Variants in MED26 observed in about 807,000 individuals in gnomAD.
MED26 encodes the protein mediator complex subunit 26, also known as mediator of RNA polymerase II transcription subunit 26.
Under a neutral mutation model 43.7 loss-of-function variants are expected in MED26, and 7 were observed. The ratio of observed to expected loss-of-function variants is 0.16; its 90% CI spans 0.09 to 0.30. The LOEUF (loss-of-function observed/expected upper bound fraction) is 0.30, where lower values mean the gene tolerates loss of function less well. MED26 is among the 10% of genes least tolerant of loss of function. The pLI is 1.00. For missense variants in MED26, 784 were observed against 840.6 expected, an observed-to-expected ratio of 0.93 and a Z score of 0.83; for synonymous variants, 375 against 371.1, an observed-to-expected ratio of 1.01 and a Z score of -0.12.
At chr19:16,605,789 G>A (rs2086169942) in intron 1 of MED26, among the ~76,000 whole-genome samples, 1 of 152,240 alleles carries the variant, frequency 6.6e-6, no homozygotes, top group Non-Finnish European at 1.5e-5. Context: ...ATGGCACCGG[G>A]AGGAAGAGGC....
chr19:16,608,997 G>C (rs1322573975), intron 1 of MED26, among the ~76,000 whole-genome samples: 2 of 152,144 alleles, frequency 1.3e-5, no homozygotes, highest in African/African-American at 4.8e-5. Flanking sequence ...ATTCAGCAAA[G>C]ACATCACTTG....
intron 1 of MED26, among the ~76,000 whole-genome samples, chr19:16,581,900 G>A (rs539726904): frequency 2.0e-5 from 3 of 152,366 alleles, no homozygotes; most frequent in South Asian, 4.1e-4. Context: ...CCCACCGTGT[G>A]AGCTGCTCAC....
At chr19:16,610,118 G>A (rs2086193058) in intron 1 of MED26, among the ~76,000 whole-genome samples, 1 of 151,940 alleles carries the variant, frequency 6.6e-6, no homozygotes, top group African/African-American at 2.4e-5. Flanking sequence ...AAATTAGTGA[G>A]GTGTGGTGGC....
intron 1 of MED26, among the ~76,000 whole-genome samples, chr19:16,581,639 C>T (rs748006121): frequency 6.6e-5 from 10 of 152,250 alleles, no homozygotes; most frequent in Admixed American, 1.3e-4. Context: ...AACACCTGGG[C>T]AACCCCAGGG....
At position 16,627,914 on chromosome 19, in the gene MED26, C is replaced by T; in HGVS notation, c.30G>A (p.Gln10=). 6.7e-7 allele frequency: 1 copy of T among 1,499,310 alleles called. No individual in the cohort carries two copies. 92.9% of individuals were successfully genotyped at this position (1,499,310 alleles called of 1,614,324 possible). A position where few individuals can be genotyped will look rare whatever the true frequency, so the allele number is the denominator to read the frequency against. ...TGGCCTGCAGCAGCCGGTCCCTGATCTGCTGCGGAGACGCCGGAGCCGCTG... is the reference window on the plus strand; with the variant it reads ...TGGCCTGCAGCAGCCGGTCCCTGATTTGCTGCGGAGACGCCGGAGCCGCTG... MTAAPASPQ[Q]IRDRLLQAID... Residue 10 remains glutamine, a synonymous_variant, in exon 1 of 3, where the codon CAG becomes CAA. Coordinates refer to ENST00000263390, the MANE Select transcript of MED26 (RefSeq NM_004831.5).
intron 1 of MED26, among the ~76,000 whole-genome samples, chr19:16,602,910 A>G (rs2086156341): frequency 6.6e-6 from 1 of 152,280 alleles, no homozygotes; most frequent in South Asian, 2.1e-4. Flanking sequence ...GATGGTGATC[A>G]TGACCACACA....
At chr19:16,584,477 G>C (rs998541209) in intron 1 of MED26, among the ~76,000 whole-genome samples, 3 of 152,176 alleles carry the variant, frequency 2.0e-5, no homozygotes, top group Admixed American at 6.5e-5. Flanking sequence ...GGCGGGGCTG[G>C]ACACGCACAG....
chr19:16,583,913 G>C (rs1485675967), intron 1 of MED26, among the ~76,000 whole-genome samples: 2 of 152,198 alleles, frequency 1.3e-5, no homozygotes, highest in Non-Finnish European at 2.9e-5. Flanking sequence ...AGAACAGTTT[G>C]CATCCAGGCA....
intron 1 of MED26, among the ~76,000 whole-genome samples, chr19:16,605,555 AC>A (rs2122429171): frequency 6.6e-6 from 1 of 152,296 alleles, no homozygotes; most frequent in African/African-American, 2.4e-5. Flanking sequence ...AGGCTGCCCC[AC>A]TCACTGCACA....
At chr19:16,584,392 C>T (rs1011084726) in intron 1 of MED26, among the ~76,000 whole-genome samples, 1 of 152,172 alleles carries the variant, frequency 6.6e-6, no homozygotes, top group African/African-American at 2.4e-5. Context: ...GCCCCATAGC[C>T]TGTGCTAAGC....
At position 16,577,021 on chromosome 19, in the gene MED26, C is replaced by T. The variant is rs137909361; in HGVS notation, c.809G>A (p.Arg270His). 4.0e-4 allele frequency: 650 copies of T among 1,608,452 alleles called. 17 individuals carry two copies. In the Admixed American group the frequency reaches 9.6e-3, roughly 24 times the overall value. The change falls in exon 3 of 3, where the codon CGC becomes CAC. Residue 270 changes from arginine to histidine, a missense_variant. Physicochemically the swap from Arg to His is conservative, Grantham distance 29 (BLOSUM62 0). Around this residue, in one of 3 missense-constraint regions of MED26, gnomAD observed 719 missense variants for 730.9 expected, o/e 0.98. Transcript: ENST00000263390. The surrounding 1 kb of genome is among the most constrained non-coding windows in gnomAD (Gnocchi z 8.1). ...PGPPHPKGPPRCSFSPRNSRH... is the reference protein window; with the variant it reads ...PGPPHPKGPPHCSFSPRNSRH... Reference sequence around the variant, plus strand: ...TGAGTTCCGAGGACTGAAAGAGCAGCGAGGGGGTCCCTTGGGATGGGGAGG... The same window carrying T: ...TGAGTTCCGAGGACTGAAAGAGCAGTGAGGGGGTCCCTTGGGATGGGGAGG...
chr19:16,590,905 T>C (rs1303632678), intron 1 of MED26, among the ~76,000 whole-genome samples: 1 of 151,556 alleles, frequency 6.6e-6, no homozygotes. Flanking sequence ...CCAGGCGTGG[T>C]GGCAGGCACC....
At chr19:16,585,343 T>C (rs2086065900) in intron 1 of MED26, among the ~76,000 whole-genome samples, 1 of 152,010 alleles carries the variant, frequency 6.6e-6, no homozygotes, top group South Asian at 2.1e-4. Context: ...AGGCCTGACC[T>C]GTACCAGGAA....
intron 1 of MED26, among the ~76,000 whole-genome samples, chr19:16,619,470 G>A (rs1488928977): frequency 1.3e-5 from 2 of 152,202 alleles, no homozygotes; most frequent in African/African-American, 2.4e-5. Context: ...TAGAACGGGG[G>A]ACATCAAAAC....
Position 16,577,026 on chromosome 19 carries a change from G to T in MED26, c.804C>A (p.Pro268=). 3.1e-6 allele frequency: 5 copies of T among 1,608,962 alleles called. No homozygotes were observed. The highest frequency in any genetic ancestry group is 4.2e-6 in the Non-Finnish European group (5 of 1,176,586). ...TCCGAGGACTGAAAGAGCAGCGAGG[G>T]GGTCCCTTGGGATGGGGAGGCCCCG... is the stretch of plus-strand genomic sequence containing the variant. ...ETPGPPHPKG[P]PRCSFSPRNS... The change falls in exon 3 of 3, where the codon CCC becomes CCA. Residue 268 remains proline (P), a synonymous_variant. Transcript: ENST00000263390. This position sits in a 1 kb window ranked among gnomAD's most constrained non-coding sequence, Gnocchi z 8.1.
chr19:16,613,166 C>T (rs191793518), intron 1 of MED26, among the ~76,000 whole-genome samples: 57 of 152,280 alleles, frequency 3.7e-4, no homozygotes, highest in African/African-American at 1.3e-3. Flanking sequence ...AACTTGGAGA[C>T]GGAGCTGTAG....
intron 1 of MED26, among the ~76,000 whole-genome samples, chr19:16,597,668 C>T (rs1414789018): frequency 1.3e-5 from 2 of 152,154 alleles, no homozygotes; most frequent in Non-Finnish European, 2.9e-5. Flanking sequence ...GTGCAGCCTT[C>T]GTTTACCCTT....
chr19:16,578,244 T>G, intron 2 of MED26, 91 bp downstream of exon 2: 6 of 1,207,796 alleles, frequency 5.0e-6, no homozygotes, highest in Non-Finnish European at 7.4e-6. Context: ...GCAAAGACAC[T>G]GATGCTCCCA....
intron 1 of MED26, chr19:16,611,823 T>A (rs2086200699): frequency 1.3e-5 from 2 of 148,250 alleles, no homozygotes; most frequent in South Asian, 2.1e-4. Flanking sequence ...TAAACTTCAT[T>A]AAAAAAAAAA....
Sources: gnomAD v4.1 joint callset for allele counts (sites outside exome capture counted in the v4.1 genomes callset) on GRCh38, gnomAD v4.1.1 for gene constraint, gnomAD v4.1.1 regional missense constraint, Gnocchi (gnomAD v3.1) non-coding constraint, MANE v1.5 for transcripts, NCBI Gene and HGNC (gene_info 2026-07-23, HGNC 2026-07-21) for gene names.